Variants in TMEM123 observed in about 807,000 individuals in gnomAD.
The protein encoded by TMEM123 is transmembrane protein 123.
TMEM123 carries 16 observed loss-of-function variants against 19.7 expected under a neutral mutation model. The ratio of observed to expected loss-of-function variants is 0.81; its 90% CI spans 0.55 to 1.23. The LOEUF (loss-of-function observed/expected upper bound fraction) is 1.23. Ranked by LOEUF, TMEM123 falls within the 50% of genes most tolerant of loss-of-function variation. The pLI is 0.00. For missense variants in TMEM123, 313 were observed against 257.8 expected (o/e 1.21, Z -1.47); for synonymous variants, 118 against 99.4 (o/e 1.19, Z -1.12).
At chr11:102,421,608 T>C (rs917002024) in intron 2 of TMEM123, among the ~76,000 whole-genome samples, 2 of 152,226 alleles carry the variant, frequency 1.3e-5, no homozygotes, top group Non-Finnish European at 2.9e-5. Flanking sequence ...TAAATAATTT[T>C]AATTCATTGT....
At position 102,397,902 on chromosome 11, in the gene TMEM123, C is replaced by A. The variant is rs990790772; in HGVS notation, c.*965G>T. ...TCTTTTGAAAATCATACAAGCGGTT[C>A]TTTTTCTTAAAGTTAGGTGTGTTTA... On this transcript the variant is annotated 3_prime_UTR_variant, in exon 5 of 5. Coordinates refer to ENST00000398136, the MANE Select transcript of TMEM123 (RefSeq NM_052932.3). The A allele has an allele frequency of 6.6e-6, 1 of 152,104 alleles. No homozygotes were observed. The highest frequency in any genetic ancestry group is 2.4e-5 in the African/African-American group (1 of 41,430). The allele number at this position is 152,104 out of a possible 1,614,324, so 9.4% of individuals were successfully genotyped here.
At chr11:102,403,499 T>A (rs1462974058) in intron 2 of TMEM123, among the ~76,000 whole-genome samples, 1 of 152,248 alleles carries the variant, frequency 6.6e-6, no homozygotes, top group Non-Finnish European at 1.5e-5. Flanking sequence ...GGATACAATG[T>A]CTAGGGAATG....
intron 4 of TMEM123, 52 bp from the exon 5 acceptor site, chr11:102,398,943 C>CTACT: frequency 6.7e-7 from 1 of 1,500,522 alleles, no homozygotes; most frequent in South Asian, 1.2e-5. Flanking sequence ...TCTGTCAAAA[C>CTACT]TACTTATGTT....
At chr11:102,413,265 T>C (rs1473706235) in intron 2 of TMEM123, among the ~76,000 whole-genome samples, 1 of 152,188 alleles carries the variant, frequency 6.6e-6, no homozygotes, top group Non-Finnish European at 1.5e-5. Flanking sequence ...AAGGTATGTG[T>C]TAATCCACAC....
At chr11:102,408,548 G>T (rs545576531) in intron 2 of TMEM123, among the ~76,000 whole-genome samples, 10 of 152,274 alleles carry the variant, frequency 6.6e-5, no homozygotes, top group African/African-American at 2.4e-4. Context: ...ATAAATCAGG[G>T]CTATCACAAG....
At chr11:102,443,640 G>A (rs1857850147) in intron 2 of TMEM123, among the ~76,000 whole-genome samples, 1 of 152,114 alleles carries the variant, frequency 6.6e-6, no homozygotes, top group African/African-American at 2.4e-5. Flanking sequence ...GCATGGGCGA[G>A]GACTTCATGA....
intron 2 of TMEM123, among the ~76,000 whole-genome samples, chr11:102,417,306 T>C (rs1453240570): frequency 6.6e-6 from 1 of 152,182 alleles, no homozygotes; most frequent in Non-Finnish European, 1.5e-5. Context: ...AGTTTCGGGA[T>C]GCAAAATCAA....
rs1411714892 is a variant in TMEM123, at chr11:102,398,628, C to T, written c.*239G>A. On this transcript the variant is annotated 3_prime_UTR_variant, in exon 5 of 5. Coordinates refer to ENST00000398136, the MANE Select transcript of TMEM123 (RefSeq NM_052932.3). ...AAAAAGATAGGACTTGTTTGTCTTA[C>T]TATGAACTTGCTAAAACCATTGTAT... 1.7e-5 allele frequency: 9 copies of T among 517,600 alleles called. No individual in the cohort carries two copies. Among genetic ancestry groups the T allele is most frequent in the Admixed American group, 1.3e-4 (3 of 23,662 alleles). The allele number at this position is 517,600 out of a possible 1,614,324, so 32.1% of individuals were successfully genotyped here.
chr11:102,429,871 A>C (rs187230078), intron 2 of TMEM123, among the ~76,000 whole-genome samples: 25 of 152,288 alleles, frequency 1.6e-4, no homozygotes, highest in Non-Finnish European at 3.4e-4. Flanking sequence ...ATGTCAGCAG[A>C]AGCACAGATG....
At chr11:102,409,148 A>T (rs188979439) in intron 2 of TMEM123, among the ~76,000 whole-genome samples, 2 of 152,316 alleles carry the variant, frequency 1.3e-5, no homozygotes, top group South Asian at 2.1e-4. Flanking sequence ...TCCAATTTTT[A>T]AAAATCTCAG....
At chr11:102,451,045 T>C (rs969325439) in intron 1 of TMEM123, among the ~76,000 whole-genome samples, 4 of 152,212 alleles carry the variant, frequency 2.6e-5, no homozygotes, top group Admixed American at 6.5e-5. Context: ...TACTAGTTTA[T>C]GAATTCAGGG....
chr11:102,405,538 C>T (rs1000671850), intron 2 of TMEM123, among the ~76,000 whole-genome samples: 1 of 152,110 alleles, frequency 6.6e-6, no homozygotes, highest in South Asian at 2.1e-4. Flanking sequence ...AAAATAATCA[C>T]CTTTTATTTA....
At chr11:102,452,421 G>C in intron 1 of TMEM123, 103 bp downstream of exon 1, 2 of 1,025,810 alleles carry the variant, frequency 1.9e-6, no homozygotes, top group Non-Finnish European at 1.3e-6. Context: ...CGTTCGGCCA[G>C]ACACACGCGG....
intron 2 of TMEM123, among the ~76,000 whole-genome samples, chr11:102,422,447 C>G (rs991212966): frequency 3.4e-4 from 51 of 152,160 alleles, no homozygotes; most frequent in African/African-American, 1.1e-3. Context: ...GCACTCCAGC[C>G]TGGTTGACAG....
chr11:102,452,148 A>T, intron 1 of TMEM123: 4 of 175,212 alleles, frequency 2.3e-5, no homozygotes, highest in Non-Finnish European at 4.8e-5. Flanking sequence ...CATATTTTTC[A>T]ACTCAGCTAA....
At chr11:102,410,479 C>T (rs1951995356) in intron 2 of TMEM123, among the ~76,000 whole-genome samples, 1 of 148,692 alleles carries the variant, frequency 6.7e-6, no homozygotes, top group African/African-American at 2.5e-5. Flanking sequence ...TCCGTTTCCA[C>T]AGACTCAATC....
At chr11:102,408,859 ACCAGACAG>A (rs1157369432) in intron 2 of TMEM123, among the ~76,000 whole-genome samples, 1 of 152,142 alleles carries the variant, frequency 6.6e-6, no homozygotes, top group Non-Finnish European at 1.5e-5. Context: ...TTCTGTTAAT[ACCAGACAG>A]CCACCATATT....
rs1170214134 is a variant in TMEM123 at position 102,398,331 on chromosome 11, T to A, written c.*536A>T. 24 of 364,370 alleles carry A rather than the reference T, an allele frequency of 6.6e-5. No homozygotes were observed. The Admixed American group carries it at 1.1e-3, about 17-fold the overall frequency. The allele number at this position is 364,370 out of a possible 1,614,324, so 22.6% of individuals were successfully genotyped here. A position where few individuals can be genotyped will look rare whatever the true frequency, so the allele number is the denominator to read the frequency against. On this transcript the variant is annotated 3_prime_UTR_variant, in exon 5 of 5. Coordinates refer to ENST00000398136, the MANE Select transcript of TMEM123 (RefSeq NM_052932.3). ...AGTATTTTGTTTCTAGACCAACTAC[T>A]ACAGTTTAAAGCACAAAAAATGTTG...
chr11:102,447,591 G>T (rs566877873), intron 2 of TMEM123, among the ~76,000 whole-genome samples: 1 of 152,140 alleles, frequency 6.6e-6, no homozygotes, highest in African/African-American at 2.4e-5. Flanking sequence ...AAGTTCAGTA[G>T]TGCAGAATTA....
Sources: allele counts gnomAD v4.1 joint callset (sites outside exome capture counted in the v4.1 genomes callset), GRCh38; gene constraint gnomAD v4.1.1; transcripts MANE v1.5; gene names NCBI Gene and HGNC (gene_info 2026-07-23, HGNC 2026-07-21).